TMBIM6: variants seen among roughly 807,000 people sequenced by gnomAD.
TMBIM6 encodes bax inhibitor 1.
In TMBIM6, 13 loss-of-function variants were observed where a neutral mutation model predicts 31.4. The ratio of observed to expected loss-of-function variants is 0.41; its 90% confidence interval spans 0.27 to 0.66. The LOEUF (loss-of-function observed/expected upper bound fraction) is 0.66, where lower values mean the gene tolerates loss of function less well. Ranked by LOEUF, TMBIM6 falls within the 30% of genes least tolerant of loss-of-function variation. The pLI, the probability that TMBIM6 is intolerant of heterozygous loss-of-function variation, is 0.28. For missense variants in TMBIM6, 275 were observed against 289.5 expected, an observed-to-expected ratio of 0.95 and a Z score of 0.36; for synonymous variants, 85 against 101.7, an observed-to-expected ratio of 0.84 and a Z score of 0.99.
At chr12:49,760,875 TG>T (rs1337445768) in intron 8 of TMBIM6, among the ~76,000 whole-genome samples, 3 of 151,954 alleles carry the variant, frequency 2.0e-5, no homozygotes, top group African/African-American at 7.3e-5. Context: ...GTTTCGCTCT[TG>T]TTGCCCAGGC....
At chr12:49,745,414 G>T (rs967221041) in intron 1 of TMBIM6, among the ~76,000 whole-genome samples, 1 of 152,138 alleles carries the variant, frequency 6.6e-6, no homozygotes, top group African/African-American at 2.4e-5. Flanking sequence ...ATGCAAAAGT[G>T]CTACCTGTTT....
intron 6 of TMBIM6, 78 bp from the exon 7 acceptor site, chr12:49,758,605 A>T (rs1056861087): frequency 3.2e-6 from 5 of 1,560,658 alleles, no homozygotes; most frequent in Non-Finnish European, 4.4e-6. Flanking sequence ...TTCTGGGGGA[A>T]GTTAAGGAAT....
intron 4 of TMBIM6, 64 bp downstream of exon 4, chr12:49,755,819 TC>T (rs906735984): frequency 7.1e-5 from 107 of 1,500,532 alleles, no homozygotes; most frequent in South Asian, 2.8e-4. Flanking sequence ...CTTAATTAGT[TC>T]CCCCCCCTTT....
intron 4 of TMBIM6, 68 bp downstream of exon 4, chr12:49,755,823 C>T (rs1945579750): frequency 6.5e-7 from 1 of 1,532,094 alleles, no homozygotes; most frequent in South Asian, 1.2e-5. Context: ...ATTAGTTCCC[C>T]CCCCTTTTTT....
intron 1 of TMBIM6, among the ~76,000 whole-genome samples, chr12:49,744,168 T>A (rs112481838): frequency 2.0e-5 from 3 of 152,200 alleles, no homozygotes; most frequent in Admixed American, 2.0e-4. Context: ...GTGATACATA[T>A]ATAAAAGCAC....
intron 4 of TMBIM6, 103 bp downstream of exon 4, chr12:49,755,858 GA>G (rs1289827869): frequency 3.9e-6 from 5 of 1,284,504 alleles, no homozygotes; most frequent in Non-Finnish European, 5.2e-6. Flanking sequence ...TTTTGAGACA[GA>G]GTCTCGCTCT....
intron 1 of TMBIM6, among the ~76,000 whole-genome samples, chr12:49,743,168 G>C (rs369427214): frequency 6.6e-6 from 1 of 151,636 alleles, no homozygotes; most frequent in Non-Finnish European, 1.5e-5. Context: ...TTTTTGTGGA[G>C]ATGGGGTATC....
intron 1 of TMBIM6, among the ~76,000 whole-genome samples, chr12:49,743,948 T>C (rs1945345193): frequency 6.6e-6 from 1 of 152,218 alleles, no homozygotes; most frequent in Non-Finnish European, 1.5e-5. Flanking sequence ...GAGCAGGTAT[T>C]GATCATCATC....
At chr12:49,743,668 A>G (rs1945340653) in intron 1 of TMBIM6, 1 of 152,240 alleles carries the variant, frequency 6.6e-6, no homozygotes, top group Non-Finnish European at 1.5e-5. Context: ...AAAATGTCAT[A>G]GGAATCAATG....
chr12:49,752,643 A>G (rs187905311), intron 2 of TMBIM6, 94 bp downstream of exon 2: 1 of 1,072,336 alleles, frequency 9.3e-7, no homozygotes, highest in East Asian at 2.4e-5. Flanking sequence ...TGTATAAGCT[A>G]ACAAATTAAC....
In TMBIM6 at chr12:49,759,320, T is replaced by C. The variant is rs1399766688; in HGVS notation, c.613T>C (p.Trp205Arg). 6.2e-7 allele frequency: 1 copy of C among 1,611,668 alleles called. No homozygotes were observed. The highest frequency in any genetic ancestry group is 1.1e-5 in the South Asian group (1 of 91,028). ...CGAACATGGAGATCAAGATTATATC[T>C]GGTGAGTGTGGGAACTAGTCTTTAA... The part of the protein sequence containing the change: ...KAEHGDQDYI[W>R]HCIDLFLDFI... The change falls in exon 8 of 10, where the codon TGG becomes CGG. Residue 205 changes from tryptophan to arginine, a missense_variant and splice_region_variant. Transcript: ENST00000267115.
chr12:49,755,608 A>G, intron 3 of TMBIM6, 27 bp from the exon 4 acceptor site: 6 of 1,607,224 alleles, frequency 3.7e-6, no homozygotes, highest in Middle Eastern at 3.3e-4. Context: ...CAAGTGTTTA[A>G]TGATTGATTG....
intron 4 of TMBIM6, among the ~76,000 whole-genome samples, chr12:49,757,125 C>G (rs1185886375): frequency 6.6e-6 from 1 of 152,202 alleles, no homozygotes; most frequent in South Asian, 2.1e-4. Flanking sequence ...CCTCAGCCTC[C>G]CAAAGTGCTG....
At chr12:49,746,438 A>T (rs1945395899) in intron 1 of TMBIM6, among the ~76,000 whole-genome samples, 1 of 152,214 alleles carries the variant, frequency 6.6e-6, no homozygotes. Context: ...TAACAATGTT[A>T]GTACACCAGT....
intron 1 of TMBIM6, chr12:49,744,530 G>A (rs1285283986): frequency 6.6e-6 from 1 of 152,188 alleles, no homozygotes; most frequent in Admixed American, 6.5e-5. Flanking sequence ...GGTTACCTAA[G>A]TGACCCCTTG....
intron 1 of TMBIM6, among the ~76,000 whole-genome samples, chr12:49,746,726 A>G (rs1945400941): frequency 6.6e-6 from 1 of 152,212 alleles, no homozygotes; most frequent in African/African-American, 2.4e-5. Context: ...AACATTACTC[A>G]GTAGTAAAAA....
rs1945650186 is a variant in TMBIM6 at position 49,758,488 on chromosome 12, T to C, written c.433+8T>C. 2 of 1,613,820 alleles carry C rather than the reference T, an allele frequency of 1.2e-6. No individual in the cohort carries two copies. The highest frequency in any genetic ancestry group is 1.7e-6 in the Non-Finnish European group (2 of 1,179,730). ...GCTACCTCTTTCTGGGAGGTAAGTG[T>C]GAACTGGGAAACAGGGAATGGGGGC... On this transcript the variant is annotated splice_region_variant and intron_variant, in intron 6 of 9. Coordinates refer to ENST00000267115, the MANE Select transcript of TMBIM6 (RefSeq NM_003217.3).
At chr12:49,760,129 A>G (rs1439693081) in intron 8 of TMBIM6, among the ~76,000 whole-genome samples, 1 of 148,778 alleles carries the variant, frequency 6.7e-6, no homozygotes, top group Admixed American at 6.7e-5. Context: ...AAAAAAAAAA[A>G]AGTGTTGGGG....
intron 9 of TMBIM6, 136 bp downstream of exon 9, chr12:49,761,915 G>A: frequency 1.2e-6 from 1 of 803,652 alleles, no homozygotes; most frequent in South Asian, 2.0e-5. Flanking sequence ...CTGAGTAAGA[G>A]GTAAGCCAGA....
Sources: gnomAD v4.1 joint callset for allele counts (sites outside exome capture counted in the v4.1 genomes callset) on GRCh38, gnomAD v4.1.1 for gene constraint, MANE v1.5 for transcripts, NCBI Gene and HGNC (gene_info 2026-07-23, HGNC 2026-07-21) for gene names.